Variants in TCF20 observed in about 807,000 individuals in gnomAD.
TCF20 encodes transcription factor 20, also known as SPRE-binding protein.
A neutral mutation model predicts 148.6 loss-of-function variants in TCF20; 3 were observed. That is an observed-to-expected ratio of 0.02 (90% CI 0.01 to 0.05). The LOEUF is 0.05. Ranked by LOEUF, TCF20 falls within the 10% of genes least tolerant of loss-of-function variation. The probability of loss-of-function intolerance (pLI) is 1.00; values close to 1 mark genes in which losing one functional copy is unlikely to be tolerated. For synonymous variants in TCF20, 1,049 were observed against 909.5 expected, an observed-to-expected ratio of 1.15 and a Z score of -2.76; for missense variants, 2,350 against 2,429.3, an observed-to-expected ratio of 0.97 and a Z score of 0.69.
intron 1 of TCF20, among the ~76,000 whole-genome samples, chr22:42,225,620 CAA>C (rs57952215): frequency 3.7e-4 from 28 of 74,768 alleles, no homozygotes; most frequent in African/African-American, 6.1e-4. Flanking sequence ...GACTCCGTCT[CAA>C]AAAAAAAAAA....
At chr22:42,221,739 G>GTTTTTTTTTTTTTTTTTTTTTTTTTT (rs59283483) in intron 1 of TCF20, among the ~76,000 whole-genome samples, 2 of 92,820 alleles carry the variant, frequency 2.2e-5, no homozygotes, top group African/African-American at 5.1e-5. Flanking sequence ...ATGGCAAAGG[G>GTTTTTTTTTTTTTTTTTTTTTTTTTT]TTTTTTTTTT....
At chr22:42,195,603 G>A (rs1347702105) in intron 2 of TCF20, among the ~76,000 whole-genome samples, 4 of 151,098 alleles carry the variant, frequency 2.6e-5, no homozygotes, top group Admixed American at 1.3e-4. Flanking sequence ...CGGTTCAAGC[G>A]ATTCTCCCGC....
At chr22:42,294,470 A>T (rs978252653) in intron 1 of TCF20, among the ~76,000 whole-genome samples, 2 of 152,126 alleles carry the variant, frequency 1.3e-5, no homozygotes, top group Non-Finnish European at 2.9e-5. Context: ...TCGGCGTGGC[A>T]GAGGCAGGGA....
intron 1 of TCF20, among the ~76,000 whole-genome samples, chr22:42,248,319 G>A (rs1569184179): frequency 6.6e-6 from 1 of 152,216 alleles, no homozygotes; most frequent in Non-Finnish European, 1.5e-5. Context: ...AGAGTTGCAT[G>A]CCAGCCCTGG....
intron 1 of TCF20, among the ~76,000 whole-genome samples, chr22:42,245,617 T>C (rs560715771): frequency 6.6e-6 from 1 of 152,306 alleles, no homozygotes; most frequent in East Asian, 1.9e-4. Flanking sequence ...ACAATTCATG[T>C]ATTCACCCTA....
In TCF20 at chr22:42,322,895, T is replaced by A. The variant is rs567146814; in HGVS notation, c.-37+20584A>T. On this transcript the variant is annotated intron_variant, in intron 1 of 1. Coordinates refer to the TCF20 transcript ENST00000515426. The stretch of plus-strand genomic sequence containing the variant: ...CACCTGGCTGTTTTCATTTTCTGGT[T>A]TTTTTTTTGTTTGTTTTTCGTTTTT... Among the ~76,000 whole-genome samples the A allele has an allele frequency of 7.5e-4, 112 of 150,136 alleles. 4 individuals carry two copies. In the Middle Eastern group the frequency reaches 0.017, roughly 23 times the overall value.
At chr22:42,175,629 G>A (rs758784754) in intron 3 of TCF20, among the ~76,000 whole-genome samples, 8 of 151,598 alleles carry the variant, frequency 5.3e-5, no homozygotes, top group South Asian at 2.1e-4. Context: ...GTGAGCCACC[G>A]TGCCTGGCCC....
chr22:42,246,458 C>G (rs142721123), intron 1 of TCF20, among the ~76,000 whole-genome samples: 168 of 152,288 alleles, frequency 1.1e-3, no homozygotes, highest in African/African-American at 3.9e-3. Flanking sequence ...CTTCAAAAAG[C>G]TTCCTGACCA....
intron 1 of TCF20, among the ~76,000 whole-genome samples, chr22:42,246,974 A>T (rs1398121648): frequency 1.6e-5 from 2 of 125,992 alleles, no homozygotes; most frequent in East Asian, 2.2e-4. Flanking sequence ...TCAAAAAATT[A>T]AAAAAAAAAA....
In TCF20 at chr22:42,343,060, AT is replaced by A. The variant is rs200712289; in HGVS notation, c.-37+418del. Among the ~76,000 whole-genome samples the A allele has an allele frequency of 1.5e-3, 228 of 151,912 alleles. 7 individuals carry two copies. In the South Asian group the frequency reaches 0.038, roughly 25 times the overall value. On this transcript the variant is annotated intron_variant, in intron 1 of 1. Transcript: ENST00000515426. Reference sequence around the variant, plus strand: ...CATTATGGTGGTGGGACAATGGATGATTTTTTTTTCTTCTTTTCTACAATGA... The same window carrying A: ...CATTATGGTGGTGGGACAATGGATGATTTTTTTTCTTCTTTTCTACAATGA...
chr22:42,306,091 G>A (rs1016975231), intron 1 of TCF20, among the ~76,000 whole-genome samples: 3 of 152,230 alleles, frequency 2.0e-5, no homozygotes, highest in Non-Finnish European at 2.9e-5. Flanking sequence ...AGGGGGCACC[G>A]CAGGCAGCGT....
chr22:42,290,922 C>T lies in TCF20; in HGVS notation c.-37+52557G>A, dbSNP rs1327196282. ...CAAAGCACCCCCTCTTACCTTACCTCGGTACAACCTCAGTACAACCATGAG... is the reference window on the plus strand; with the variant it reads ...CAAAGCACCCCCTCTTACCTTACCTTGGTACAACCTCAGTACAACCATGAG... On this transcript the variant is annotated intron_variant, in intron 1 of 1. Transcript: ENST00000515426. The surrounding 1 kb of genome is among the most constrained non-coding windows in gnomAD (Gnocchi z 4.2). 1.3e-5 allele frequency among the ~76,000 whole-genome samples: 2 copies of T among 152,196 alleles called. No homozygotes were observed. Among genetic ancestry groups the T allele is most frequent in the African/African-American group, 2.4e-5 (1 of 41,426 alleles).
chr22:42,161,947 G>A (rs1039941784), intron 5 of TCF20, among the ~76,000 whole-genome samples: 4 of 138,544 alleles, frequency 2.9e-5, no homozygotes, highest in Non-Finnish European at 4.6e-5. Flanking sequence ...ACAGGTACAC[G>A]CCACCATGCT....
intron 1 of TCF20, among the ~76,000 whole-genome samples, chr22:42,258,849 A>T (rs1369350900): frequency 6.6e-6 from 1 of 152,106 alleles, no homozygotes; most frequent in African/African-American, 2.4e-5. Flanking sequence ...ACTCCATAAG[A>T]AGTATTTATA....
chr22:42,250,616 A>G (rs1925286586), intron 1 of TCF20, among the ~76,000 whole-genome samples: 1 of 152,184 alleles, frequency 6.6e-6, no homozygotes, highest in Non-Finnish European at 1.5e-5. Flanking sequence ...TTTGTCCATC[A>G]TGGTATTTCA....
chr22:42,330,108 C>A (rs767506864), intron 1 of TCF20, among the ~76,000 whole-genome samples: 2 of 152,212 alleles, frequency 1.3e-5, no homozygotes, highest in Non-Finnish European at 2.9e-5. Context: ...AGATTCCACT[C>A]CAAGCTGAGC....
chr22:42,165,817 C>T (rs1354693873), intron 5 of TCF20, among the ~76,000 whole-genome samples: 1 of 152,238 alleles, frequency 6.6e-6, no homozygotes, highest in Non-Finnish European at 1.5e-5. Context: ...CACTGCTATT[C>T]CTGTTTTTAC....
intron 1 of TCF20, among the ~76,000 whole-genome samples, chr22:42,327,777 C>T (rs1423289019): frequency 1.3e-5 from 2 of 151,192 alleles, no homozygotes; most frequent in Non-Finnish European, 2.9e-5. Context: ...CCATGTCTGA[C>T]ATCTCATGTG....
intron 3 of TCF20, among the ~76,000 whole-genome samples, chr22:42,177,217 C>A (rs1177821731): frequency 6.6e-6 from 1 of 152,100 alleles, no homozygotes; most frequent in African/African-American, 2.4e-5. Context: ...GAGTTTGAAA[C>A]CAGCCTGGCC....
Sources: gnomAD v4.1 joint callset for allele counts (sites outside exome capture counted in the v4.1 genomes callset) on GRCh38, gnomAD v4.1.1 for gene constraint, Gnocchi (gnomAD v3.1) non-coding constraint, MANE v1.5 for transcripts, NCBI Gene and HGNC (gene_info 2026-07-23, HGNC 2026-07-21) for gene names.